AGBL1: variants seen among roughly 807,000 people sequenced by gnomAD.
AGBL1 encodes the protein cytosolic carboxypeptidase 4.
In AGBL1, 130 loss-of-function variants were observed where a neutral mutation model predicts 118.9. The observed-to-expected ratio is 1.09, with a 90% CI of 0.95 to 1.26. The LOEUF is 1.26. Ranked by LOEUF, AGBL1 falls within the 50% of genes most tolerant of loss-of-function variation. AGBL1 has a pLI of 0.00. For missense variants in AGBL1, 1,584 were observed against 1,298.1 expected (o/e 1.22, Z -3.38); for synonymous variants, 555 against 478.9 (o/e 1.16, Z -2.08).
intron 21 of AGBL1, among the ~76,000 whole-genome samples, chr15:86,569,871 G>A (rs757317672): frequency 9.9e-5 from 15 of 152,122 alleles, no homozygotes; most frequent in South Asian, 2.1e-4. Context: ...AATCCTATGA[G>A]CCTCAAAAGA....
chr15:86,501,413 T>G (rs1343216428), intron 18 of AGBL1, among the ~76,000 whole-genome samples: 1 of 151,682 alleles, frequency 6.6e-6, no homozygotes, highest in Non-Finnish European at 1.5e-5. Context: ...TTTTTCACTT[T>G]CTTGATAGTG....
At chr15:86,287,495 T>C (rs1389102822) in intron 16 of AGBL1, among the ~76,000 whole-genome samples, 1 of 152,140 alleles carries the variant, frequency 6.6e-6, no homozygotes, top group South Asian at 2.1e-4. Context: ...GGTTTTATGC[T>C]TAGGTCTTTA....
intron 17 of AGBL1, among the ~76,000 whole-genome samples, chr15:86,339,702 C>T (rs893265257): frequency 1.3e-5 from 2 of 152,188 alleles, no homozygotes; most frequent in Non-Finnish European, 2.9e-5. Context: ...GGCGCAGTGG[C>T]TCATGCCTGT....
intron 6 of AGBL1, among the ~76,000 whole-genome samples, chr15:86,232,966 G>A (rs906616168): frequency 1.6e-4 from 24 of 152,088 alleles, no homozygotes; most frequent in East Asian, 1.9e-4. Context: ...CAATAATTAC[G>A]GAGCACAGCA....
At chr15:86,127,532 C>G (rs994576936) in intron 1 of AGBL1, among the ~76,000 whole-genome samples, 19 of 152,164 alleles carry the variant, frequency 1.2e-4, no homozygotes, top group African/African-American at 4.6e-4. Flanking sequence ...ATGGCATCCA[C>G]CAAAAGCAGG....
chr15:86,121,362 A>T (rs897363128), intron 1 of AGBL1, among the ~76,000 whole-genome samples: 2 of 152,218 alleles, frequency 1.3e-5, no homozygotes, highest in East Asian at 3.8e-4. Flanking sequence ...AATGTGGGTT[A>T]TTTTTAAAAT....
chr15:86,521,974 T>A (rs938839662), intron 18 of AGBL1, among the ~76,000 whole-genome samples: 1 of 152,192 alleles, frequency 6.6e-6, no homozygotes, highest in African/African-American at 2.4e-5. Flanking sequence ...GAATGTGTCC[T>A]GTGCAGGGGC....
At chr15:86,535,072 A>T (rs2083406076) in intron 19 of AGBL1, among the ~76,000 whole-genome samples, 1 of 152,232 alleles carries the variant, frequency 6.6e-6, no homozygotes, top group Non-Finnish European at 1.5e-5. Flanking sequence ...CAGAGATTTA[A>T]AATGCAATGA....
intron 21 of AGBL1, among the ~76,000 whole-genome samples, chr15:86,649,269 G>A (rs1203037598): frequency 6.6e-6 from 1 of 152,140 alleles, no homozygotes; most frequent in African/African-American, 2.4e-5. Flanking sequence ...GGGAGTCTTT[G>A]GAAGATCTCC....
chr15:86,489,741 A>G (rs889529973), intron 18 of AGBL1, among the ~76,000 whole-genome samples: 2 of 152,116 alleles, frequency 1.3e-5, no homozygotes, highest in Non-Finnish European at 1.5e-5. Flanking sequence ...AGCCCAAGAC[A>G]TTTGCGATTT....
At chr15:86,161,481 G>A (rs770064259) in intron 5 of AGBL1, among the ~76,000 whole-genome samples, 9 of 152,190 alleles carry the variant, frequency 5.9e-5, no homozygotes, top group Non-Finnish European at 1.0e-4. Context: ...TTTAAACCCT[G>A]TCTGATACAT....
intron 23 of AGBL1, among the ~76,000 whole-genome samples, chr15:86,967,341 T>C (rs2081065083): frequency 1.3e-5 from 2 of 152,150 alleles, no homozygotes; most frequent in Admixed American, 6.6e-5. Context: ...TTAGATCCCA[T>C]TTGTCAATTT....
intron 15 of AGBL1, 119 bp from the exon 16 acceptor site, chr15:86,279,520 G>A: frequency 1.1e-6 from 1 of 925,290 alleles, no homozygotes; most frequent in Non-Finnish European, 1.6e-6. Flanking sequence ...TCAAGTGAAG[G>A]CCATTGTGCC....
chr15:86,558,351 T>A (rs1422304667), intron 21 of AGBL1, among the ~76,000 whole-genome samples: 1 of 152,132 alleles, frequency 6.6e-6, no homozygotes, highest in African/African-American at 2.4e-5. Flanking sequence ...ATCCAATAGC[T>A]GATCTGTGGG....
chr15:86,536,214 A>C (rs1698316000), intron 19 of AGBL1, among the ~76,000 whole-genome samples: 1 of 152,210 alleles, frequency 6.6e-6, no homozygotes, highest in African/African-American at 2.4e-5. Flanking sequence ...TTTCTTGATA[A>C]ATTTTAGTGA....
At chr15:87,009,778 T>G (rs1162481594) in intron 24 of AGBL1, among the ~76,000 whole-genome samples, 1 of 152,218 alleles carries the variant, frequency 6.6e-6, no homozygotes, top group Non-Finnish European at 1.5e-5. Flanking sequence ...GAGATCATTT[T>G]GGAGCTTTAA....
chr15:86,656,676 A>C (rs571382351), intron 21 of AGBL1, among the ~76,000 whole-genome samples: 1 of 152,134 alleles, frequency 6.6e-6, no homozygotes, highest in South Asian at 2.1e-4. Flanking sequence ...TCCCTTATTT[A>C]TTGAAGATCT....
intron 17 of AGBL1, among the ~76,000 whole-genome samples, chr15:86,370,159 A>T (rs1238151276): frequency 2.6e-5 from 4 of 152,194 alleles, no homozygotes; most frequent in African/African-American, 9.6e-5. Context: ...ATAAAAACAT[A>T]TGAGGTGTAG....
At chr15:86,770,311 G>A (rs553652011) in intron 22 of AGBL1, among the ~76,000 whole-genome samples, 1 of 151,976 alleles carries the variant, frequency 6.6e-6, no homozygotes, top group Non-Finnish European at 1.5e-5. Context: ...CCATGGGGTT[G>A]ATTTTGCATC....
Sources: gnomAD v4.1 joint callset for allele counts (sites outside exome capture counted in the v4.1 genomes callset) on GRCh38, gnomAD v4.1.1 for gene constraint, MANE v1.5 for transcripts, NCBI Gene and HGNC (gene_info 2026-07-23, HGNC 2026-07-21) for gene names.